DAPK1: variants seen among roughly 807,000 people sequenced by gnomAD.
The protein encoded by DAPK1 is death-associated protein kinase 1.
DAPK1 carries 56 observed loss-of-function variants against 144.9 expected under a neutral mutation model. That is an observed-to-expected ratio of 0.39 (90% CI 0.31 to 0.48). The LOEUF is 0.48. Among genes scored for constraint, DAPK1 ranks in the 20% least tolerant of loss-of-function variants. The pLI is 0.95. For missense variants in DAPK1, 1,454 were observed against 1,875.4 expected (o/e 0.78, Z 4.15); for synonymous variants, 690 against 749.0 (o/e 0.92, Z 1.29).
intron 2 of DAPK1, among the ~76,000 whole-genome samples, chr9:87,562,486 A>G (rs1369576223): frequency 6.6e-6 from 1 of 152,202 alleles, no homozygotes; most frequent in Non-Finnish European, 1.5e-5. Flanking sequence ...ACATGGCCAC[A>G]CTCAATGTGA....
chr9:87,679,653 G>T (rs1207175239), intron 19 of DAPK1, among the ~76,000 whole-genome samples: 2 of 152,184 alleles, frequency 1.3e-5, no homozygotes, highest in Non-Finnish European at 2.9e-5. Flanking sequence ...AGATTTTCCT[G>T]TTGTCCGCAC....
intron 2 of DAPK1, among the ~76,000 whole-genome samples, chr9:87,518,118 T>TTG (rs1825145582): frequency 1.4e-5 from 2 of 141,398 alleles, no homozygotes; most frequent in African/African-American, 5.2e-5. Flanking sequence ...TTTTTTTTTT[T>TTG]TTTTTTTTTC....
At chr9:87,499,290 G>T (rs1442601483) in intron 2 of DAPK1, 151 bp downstream of exon 2, 15 of 710,022 alleles carry the variant, frequency 2.1e-5, no homozygotes, top group Non-Finnish European at 3.6e-5. Context: ...TACTAACCCA[G>T]CGGTAAACCG....
At chr9:87,668,944 A>C in intron 19 of DAPK1, 1 of 348,482 alleles carries the variant, frequency 2.9e-6, no homozygotes, top group Non-Finnish European at 5.3e-6. Context: ...ATAATAAACC[A>C]CTCCCACAAA....
At chr9:87,528,322 A>G (rs1233010813) in intron 2 of DAPK1, among the ~76,000 whole-genome samples, 2 of 151,018 alleles carry the variant, frequency 1.3e-5, no homozygotes, top group Non-Finnish European at 2.9e-5. Context: ...GGTTCAAGCG[A>G]TTCTCCTGCC....
In DAPK1 at chr9:87,706,017, T is replaced by C. The variant is rs1440508949; in HGVS notation, c.3061-115T>C. 11 of 754,172 alleles carry C rather than the reference T, an allele frequency of 1.5e-5. No homozygotes were observed. 46.7% of individuals were successfully genotyped at this position (754,172 alleles called of 1,614,324 possible). On this transcript the variant is annotated intron_variant, in intron 25 of 25. Coordinates refer to ENST00000408954, the MANE Select transcript of DAPK1 (RefSeq NM_004938.4). The surrounding 1 kb of genome is among the most constrained non-coding windows in gnomAD (Gnocchi z 9.0). Reference sequence around the variant, plus strand: ...ACGTGGAATGGCCTTGGGTCACTCCTTAGAGCATCTGCTCAGCCTCTGTTG... The same window carrying C: ...ACGTGGAATGGCCTTGGGTCACTCCCTAGAGCATCTGCTCAGCCTCTGTTG...
intron 3 of DAPK1, among the ~76,000 whole-genome samples, chr9:87,619,751 A>G (rs1829223113): frequency 6.6e-6 from 1 of 152,190 alleles, no homozygotes; most frequent in African/African-American, 2.4e-5. Context: ...AGAACCTATT[A>G]TATGGCCGGC....
chr9:87,539,299 C>T (rs1224563732), intron 2 of DAPK1, among the ~76,000 whole-genome samples: 1 of 152,072 alleles, frequency 6.6e-6, no homozygotes, highest in Admixed American at 6.5e-5. Context: ...ATTGTGAAAG[C>T]TAAGTACGGT....
At chr9:87,591,359 A>G (rs895773384) in intron 2 of DAPK1, among the ~76,000 whole-genome samples, 1 of 152,242 alleles carries the variant, frequency 6.6e-6, no homozygotes, top group Non-Finnish European at 1.5e-5. Context: ...CTGGGCCAGG[A>G]TGGTCTTAAA....
In DAPK1 at chr9:87,686,910, TA is replaced by T; in HGVS notation, c.2413+174del. 1.0e-6 allele frequency: 1 copy of T among 952,640 alleles called. No homozygotes were observed. Among genetic ancestry groups the T allele is most frequent in the Non-Finnish European group, 1.2e-6 (1 of 800,020 alleles). The allele number at this position is 952,640 out of a possible 1,614,324, so 59.0% of individuals were successfully genotyped here. ...CTGAAGCATGGCTGGCTACCATCCCTAAACAGTGAAATTAAACACTGGGGTA... is the reference window on the plus strand; with the variant it reads ...CTGAAGCATGGCTGGCTACCATCCCTAACAGTGAAATTAAACACTGGGGTA... On this transcript the variant is annotated intron_variant, in intron 21 of 25. Coordinates refer to ENST00000408954, the MANE Select transcript of DAPK1 (RefSeq NM_004938.4). This position sits in a 1 kb window ranked among gnomAD's most constrained non-coding sequence, Gnocchi z 4.2.
chr9:87,699,952 T>C (rs1825402006), intron 23 of DAPK1, among the ~76,000 whole-genome samples, 165 bp from the exon 24 acceptor site: 1 of 152,144 alleles, frequency 6.6e-6, no homozygotes, highest in Admixed American at 6.5e-5. Flanking sequence ...CCCACTGTGA[T>C]GAGGCAGAGC....
chr9:87,672,132 G>T (rs1824186739), intron 19 of DAPK1, among the ~76,000 whole-genome samples: 1 of 152,184 alleles, frequency 6.6e-6, no homozygotes, highest in African/African-American at 2.4e-5. Context: ...CCTGCACACA[G>T]TAAGCACCAC....
At chr9:87,500,031 A>G (rs745733114) in intron 2 of DAPK1, among the ~76,000 whole-genome samples, 7 of 152,144 alleles carry the variant, frequency 4.6e-5, no homozygotes, top group Non-Finnish European at 1.0e-4. Flanking sequence ...CAAAATATGT[A>G]TTTACTTATA....
At chr9:87,563,976 C>T (rs1203276616) in intron 2 of DAPK1, among the ~76,000 whole-genome samples, 1 of 152,190 alleles carries the variant, frequency 6.6e-6, no homozygotes, top group Non-Finnish European at 1.5e-5. Flanking sequence ...TAGTTTTTGG[C>T]GCCATTTTGG....
intron 22 of DAPK1, 135 bp downstream of exon 22, chr9:87,697,339 T>A (rs1825296156): frequency 1.6e-6 from 1 of 629,224 alleles, no homozygotes; most frequent in Admixed American, 2.8e-5. Flanking sequence ...GATCCCACCG[T>A]TTGTGGCTAA....
chr9:87,691,373 TTCTC>T (rs1825048532), intron 21 of DAPK1, among the ~76,000 whole-genome samples: 1 of 152,050 alleles, frequency 6.6e-6, no homozygotes, highest in Admixed American at 6.6e-5. Flanking sequence ...CTTTTGGGTC[TTCTC>T]TCTTTTTTTC....
intron 2 of DAPK1, among the ~76,000 whole-genome samples, chr9:87,503,563 T>G (rs1257111169): frequency 2.0e-5 from 3 of 152,242 alleles, no homozygotes; most frequent in African/African-American, 7.2e-5. Flanking sequence ...TCCTCACTTT[T>G]TATTTCTAAT....
chr9:87,647,860 G>C (rs1830324236), intron 14 of DAPK1, among the ~76,000 whole-genome samples: 1 of 151,884 alleles, frequency 6.6e-6, no homozygotes, highest in African/African-American at 2.4e-5. Context: ...CTTTTTTTTG[G>C]CACAACGGTG....
rs1420377771 is a variant in DAPK1 at position 87,708,122 on chromosome 9, A to G, written c.*758A>G. The G allele has an allele frequency of 3.8e-6, 1 of 263,158 alleles. No homozygotes were observed. The highest frequency in any genetic ancestry group is 7.5e-6 in the Non-Finnish European group (1 of 133,616). 16.3% of individuals were successfully genotyped at this position (263,158 alleles called of 1,614,324 possible). A position where few individuals can be genotyped will look rare whatever the true frequency, so the allele number is the denominator to read the frequency against. ...ATTTTATGATCAGTGTTGTTGCTCT[A>G]GGAAGACATTTTTCCGTTTGCTTTT... is the stretch of plus-strand genomic sequence containing the variant. On this transcript the variant is annotated 3_prime_UTR_variant, in exon 26 of 26. Transcript: ENST00000408954.
Sources: gnomAD v4.1 joint callset for allele counts (sites outside exome capture counted in the v4.1 genomes callset) on GRCh38, gnomAD v4.1.1 for gene constraint, Gnocchi (gnomAD v3.1) non-coding constraint, MANE v1.5 for transcripts, NCBI Gene and HGNC (gene_info 2026-07-23, HGNC 2026-07-21) for gene names.